Variants in TBC1D5 observed in about 807,000 individuals in gnomAD.
TBC1D5 encodes TBC1 domain family member 5.
TBC1D5 carries 75 observed loss-of-function variants against 100.3 expected under a neutral mutation model. That is an observed-to-expected ratio of 0.75 (90% CI 0.62 to 0.91). TBC1D5 has a LOEUF of 0.91. Among genes scored for constraint, TBC1D5 ranks in the 40% least tolerant of loss-of-function variants. The probability of loss-of-function intolerance (pLI) is 0.00; values close to 1 mark genes in which losing one functional copy is unlikely to be tolerated. For missense variants in TBC1D5, 910 were observed against 942.4 expected, an observed-to-expected ratio of 0.97 and a Z score of 0.45; for synonymous variants, 323 against 325.6, an observed-to-expected ratio of 0.99 and a Z score of 0.09.
chr3:17,713,195 A>G (rs1255318532), intron 1 of TBC1D5, among the ~76,000 whole-genome samples: 2 of 152,178 alleles, frequency 1.3e-5, no homozygotes, highest in African/African-American at 4.8e-5. Flanking sequence ...AAAAATAGAT[A>G]AACTGGGTAT....
chr3:17,395,077 A>T (rs1250849957), intron 8 of TBC1D5, among the ~76,000 whole-genome samples: 1 of 152,098 alleles, frequency 6.6e-6, no homozygotes, highest in Non-Finnish European at 1.5e-5. Flanking sequence ...TGAGAAGATT[A>T]AGCAAAAACA....
chr3:17,698,298 T>C, intron 1 of TBC1D5, among the ~76,000 whole-genome samples: 1 of 152,192 alleles, frequency 6.6e-6, no homozygotes, highest in Non-Finnish European at 1.5e-5. Context: ...GGGGAAAGGA[T>C]TCCCTATTTA....
intron 2 of TBC1D5, among the ~76,000 whole-genome samples, chr3:17,601,735 T>A (rs569998772): frequency 4.5e-4 from 69 of 152,364 alleles, no homozygotes; most frequent in Non-Finnish European, 7.1e-4. Flanking sequence ...CCCCACGTTA[T>A]TATTAACATT....
At chr3:17,284,635 G>T (rs1012260149) in intron 15 of TBC1D5, among the ~76,000 whole-genome samples, 4 of 151,946 alleles carry the variant, frequency 2.6e-5, no homozygotes, top group Admixed American at 2.6e-4. Context: ...AAGGCCCCTA[G>T]GAAAACCTTA....
chr3:17,492,276 A>G (rs903946846), intron 3 of TBC1D5, among the ~76,000 whole-genome samples: 7 of 151,788 alleles, frequency 4.6e-5, no homozygotes, highest in Non-Finnish European at 8.8e-5. Context: ...CTGTGTCTCT[A>G]TCTCCTTCAG....
chr3:17,458,351 T>C (rs2095133777), intron 3 of TBC1D5, among the ~76,000 whole-genome samples: 1 of 152,196 alleles, frequency 6.6e-6, no homozygotes, highest in Non-Finnish European at 1.5e-5. Flanking sequence ...ATAGCTTTGT[T>C]CCAGAGTCCA....
At chr3:17,728,520 A>G (rs1253441595) in intron 1 of TBC1D5, among the ~76,000 whole-genome samples, 3 of 152,240 alleles carry the variant, frequency 2.0e-5, no homozygotes, top group Non-Finnish European at 4.4e-5. Context: ...TGTTACTGAT[A>G]CATATAGAGA....
chr3:17,441,749 AAG>A (rs2094662450), intron 3 of TBC1D5, among the ~76,000 whole-genome samples: 1 of 152,218 alleles, frequency 6.6e-6, no homozygotes, highest in South Asian at 2.1e-4. Context: ...ATGGTGGTAA[AAG>A]TATTTTATTT....
At chr3:17,615,736 C>T (rs1023715584) in intron 2 of TBC1D5, among the ~76,000 whole-genome samples, 2 of 152,122 alleles carry the variant, frequency 1.3e-5, no homozygotes, top group African/African-American at 4.8e-5. Flanking sequence ...GATAATATTC[C>T]CTTTATCACT....
At chr3:17,448,312 T>C (rs1393329949) in intron 3 of TBC1D5, among the ~76,000 whole-genome samples, 2 of 152,172 alleles carry the variant, frequency 1.3e-5, no homozygotes, top group Admixed American at 1.3e-4. Context: ...AAGTCAGCGA[T>C]GAGGGCTGGA....
intron 1 of TBC1D5, among the ~76,000 whole-genome samples, chr3:17,703,013 T>C (rs1444344604): frequency 3.9e-5 from 6 of 152,114 alleles, no homozygotes; most frequent in Non-Finnish European, 8.8e-5. Flanking sequence ...CCAAACATCT[T>C]TACTGAGTGG....
At chr3:17,200,280 C>T (rs1045751313) in intron 18 of TBC1D5, among the ~76,000 whole-genome samples, 1 of 152,208 alleles carries the variant, frequency 6.6e-6, no homozygotes, top group Non-Finnish European at 1.5e-5. Flanking sequence ...TACTATAGTT[C>T]AGGGGTCCCC....
intron 16 of TBC1D5, among the ~76,000 whole-genome samples, chr3:17,255,764 C>T (rs373075406): frequency 1.3e-5 from 2 of 152,166 alleles, no homozygotes; most frequent in Middle Eastern, 3.4e-3. Flanking sequence ...TTAGGCCGGG[C>T]GCAGTGGCTC....
intron 17 of TBC1D5, among the ~76,000 whole-genome samples, chr3:17,223,243 T>C (rs894881732): frequency 6.6e-6 from 1 of 152,172 alleles, no homozygotes; most frequent in African/African-American, 2.4e-5. Context: ...TTTCTTTGAT[T>C]CTAGATTTTA....
At chr3:17,584,989 C>T (rs369728033) in intron 2 of TBC1D5, among the ~76,000 whole-genome samples, 2 of 151,968 alleles carry the variant, frequency 1.3e-5, no homozygotes, top group African/African-American at 4.8e-5. Flanking sequence ...TGGGGATTTG[C>T]TATGTTGCCT....
chr3:17,239,173 C>T (rs2076111014), intron 16 of TBC1D5, among the ~76,000 whole-genome samples: 1 of 152,100 alleles, frequency 6.6e-6, no homozygotes, highest in Admixed American at 6.6e-5. Context: ...TACTATATTG[C>T]CATTGTCTGG....
chr3:17,530,692 TA>T (rs1373088319), intron 2 of TBC1D5, among the ~76,000 whole-genome samples: 5 of 152,190 alleles, frequency 3.3e-5, no homozygotes, highest in African/African-American at 4.8e-5. Flanking sequence ...TGAAAATCAA[TA>T]AACATAATCC....
intron 2 of TBC1D5, among the ~76,000 whole-genome samples, chr3:17,603,846 T>C (rs1415470777): frequency 2.0e-5 from 3 of 152,150 alleles, no homozygotes; most frequent in Non-Finnish European, 4.4e-5. Flanking sequence ...GGTTTTACCA[T>C]GTTGGCCAGG....
intron 3 of TBC1D5, among the ~76,000 whole-genome samples, chr3:17,472,166 G>A (rs963328754): frequency 3.4e-5 from 5 of 148,196 alleles, no homozygotes; most frequent in Admixed American, 1.3e-4. Flanking sequence ...TTGAGATGGA[G>A]TCTCACTCTG....
Sources: gnomAD v4.1 joint callset for allele counts (sites outside exome capture counted in the v4.1 genomes callset) on GRCh38, gnomAD v4.1.1 for gene constraint, MANE v1.5 for transcripts, NCBI Gene and HGNC (gene_info 2026-07-23, HGNC 2026-07-21) for gene names.